Variants in TMED8 observed in about 807,000 individuals in gnomAD.
TMED8 encodes the protein protein TMED8.
Under a neutral mutation model 32.7 loss-of-function variants are expected in TMED8, and 15 were observed. That is an observed-to-expected ratio of 0.46 (90% CI 0.31 to 0.71). The LOEUF (loss-of-function observed/expected upper bound fraction) is 0.71. TMED8 is among the 30% of genes least tolerant of loss of function. The probability of loss-of-function intolerance (pLI) is 0.06; values close to 1 mark genes in which losing one functional copy is unlikely to be tolerated. For missense variants in TMED8, 390 were observed against 423.9 expected, an observed-to-expected ratio of 0.92 and a Z score of 0.70; for synonymous variants, 147 against 161.4, an observed-to-expected ratio of 0.91 and a Z score of 0.68.
chr14:77,341,600 A>T lies in TMED8; in HGVS notation c.*171T>A, dbSNP rs1892900221. 1 of 639,088 alleles carries T rather than the reference A, an allele frequency of 1.6e-6. No individual in the cohort carries two copies. The highest frequency in any genetic ancestry group is 2.7e-6 in the Non-Finnish European group (1 of 364,790). 39.6% of individuals were successfully genotyped at this position (639,088 alleles called of 1,614,324 possible). A position where few individuals can be genotyped will look rare whatever the true frequency, so the allele number is the denominator to read the frequency against. On this transcript the variant is annotated 3_prime_UTR_variant, in exon 6 of 6. Transcript: ENST00000216468. ...AGGGGCACTACACCACCACCTGCAG[A>T]AGCCAAGAAGGGGAAAAAGCTACGT...
rs1892837680 is a variant in TMED8 at position 77,339,267 on chromosome 14, G to A, written c.*2504C>T. 1 of 152,208 alleles carries A rather than the reference G, an allele frequency of 6.6e-6. No homozygotes were observed. The highest frequency in any genetic ancestry group is 1.5e-5 in the Non-Finnish European group (1 of 68,030). The allele number at this position is 152,208 out of a possible 1,614,324, so 9.4% of individuals were successfully genotyped here. ...CTAATGGAACACAGAAACCCTGACAGTTGGTGAAAAACCAGTATGAATGAA... is the reference window on the plus strand; with the variant it reads ...CTAATGGAACACAGAAACCCTGACAATTGGTGAAAAACCAGTATGAATGAA... On this transcript the variant is annotated 3_prime_UTR_variant, in exon 6 of 6. Transcript: ENST00000216468.
At chr14:77,367,789 C>A (rs183757561) in intron 1 of TMED8, among the ~76,000 whole-genome samples, 17 of 151,990 alleles carry the variant, frequency 1.1e-4, no homozygotes, top group Non-Finnish European at 2.1e-4. Context: ...CACCTCCTCG[C>A]TTCAAGCGAT....
chr14:77,368,583 T>C lies in TMED8; in HGVS notation c.118+8353A>G, dbSNP rs913905115. On this transcript the variant is annotated intron_variant, in intron 1 of 5. Transcript: ENST00000216468. ...ACCTCCGCCTCCTGGGTTCAAGAGA[T>C]TCTTCGGCCTCAGCCTCCCTAGTAG... 2.6e-5 allele frequency among the ~76,000 whole-genome samples: 4 copies of C among 152,160 alleles called. No individual in the cohort carries two copies. In the East Asian group the frequency reaches 7.7e-4, roughly 29 times the overall value.
chr14:77,352,717 C>T (rs1180015000), intron 1 of TMED8, among the ~76,000 whole-genome samples: 5 of 151,972 alleles, frequency 3.3e-5, no homozygotes, highest in African/African-American at 1.2e-4. Context: ...CCAGCCTGGG[C>T]GACAGAGCGA....
chr14:77,358,209 A>T (rs2139621849), intron 1 of TMED8, among the ~76,000 whole-genome samples: 1 of 151,680 alleles, frequency 6.6e-6, no homozygotes. Flanking sequence ...ACACACGAAT[A>T]TATATATATC....
intron 5 of TMED8, among the ~76,000 whole-genome samples, chr14:77,342,573 G>A (rs1446502869): frequency 2.6e-5 from 4 of 152,188 alleles, no homozygotes; most frequent in African/African-American, 9.7e-5. Flanking sequence ...CAAGGAATAA[G>A]AGGAATAAGA....
intron 2 of TMED8, among the ~76,000 whole-genome samples, chr14:77,349,502 T>G (rs1893131713): frequency 6.6e-6 from 1 of 152,152 alleles, no homozygotes; most frequent in Non-Finnish European, 1.5e-5. Flanking sequence ...CTTCAATCCT[T>G]GATAGTCCTC....
intron 1 of TMED8, among the ~76,000 whole-genome samples, chr14:77,359,011 G>C (rs147446744): frequency 6.6e-6 from 1 of 152,012 alleles, no homozygotes; most frequent in African/African-American, 2.4e-5. Flanking sequence ...TGGCTTAAGC[G>C]ATTCTCCTGC....
chr14:77,351,897 A>C (rs1273356193), intron 1 of TMED8, 146 bp from the exon 2 acceptor site: 1 of 534,950 alleles, frequency 1.9e-6, no homozygotes, highest in Non-Finnish European at 3.2e-6. Context: ...GAGGCCCAAC[A>C]CATAAATTAT....
Position 77,343,394 on chromosome 14 carries a change from G to A in TMED8, c.544C>T (p.Arg182Cys), listed in dbSNP as rs748050856. The change falls in exon 5 of 6, where the codon CGT becomes TGT. Residue 182 changes from arginine (R) to cysteine (C), a missense_variant. By Grantham distance (180) the Arg-to-Cys change is radical (BLOSUM62 -3). Coordinates refer to ENST00000216468, the MANE Select transcript of TMED8 (RefSeq NM_213601.3). ...KSKLGKEKNS[R>C]LVVKRGEVVT... The stretch of plus-strand genomic sequence containing the variant: ...ACCTCACCACGCTTCACCACCAGAC[G>A]GCTGTTCTTCTCTTTGCCCAGCTTG... 1.8e-5 allele frequency: 29 copies of A among 1,613,910 alleles called. No individual in the cohort carries two copies. Among genetic ancestry groups the A allele is most frequent in the South Asian group, 6.6e-5 (6 of 91,068 alleles).
intron 5 of TMED8, 70 bp downstream of exon 5, chr14:77,343,108 A>G (rs1359904538): frequency 1.3e-6 from 2 of 1,499,748 alleles, no homozygotes; most frequent in African/African-American, 1.4e-5. Flanking sequence ...GGACTGGTAC[A>G]ACCCACAAAA....
At chr14:77,353,435 CTTTGT>C (rs1252073823) in intron 1 of TMED8, among the ~76,000 whole-genome samples, 1 of 138,824 alleles carries the variant, frequency 7.2e-6, no homozygotes, top group African/African-American at 2.7e-5. Context: ...CTTTTCTTTT[CTTTGT>C]TTTTTTTTTT....
intron 3 of TMED8, 60 bp downstream of exon 3, chr14:77,346,289 A>C (rs1490215350): frequency 1.3e-6 from 2 of 1,579,146 alleles, no homozygotes; most frequent in Non-Finnish European, 1.7e-6. Flanking sequence ...CAACCCAACC[A>C]CTATGTGTCC....
intron 1 of TMED8, among the ~76,000 whole-genome samples, chr14:77,362,685 G>A (rs887492525): frequency 1.3e-5 from 2 of 151,936 alleles, no homozygotes; most frequent in Non-Finnish European, 2.9e-5. Flanking sequence ...ACACCGAGTG[G>A]GTGAATGGAT....
chr14:77,342,468 C>G (rs1395276251), intron 5 of TMED8, among the ~76,000 whole-genome samples: 3 of 151,966 alleles, frequency 2.0e-5, no homozygotes. Context: ...ATACAAGGTT[C>G]TCCGCTTTCC....
At chr14:77,353,442 T>TG (rs537495743) in intron 1 of TMED8, among the ~76,000 whole-genome samples, 1 of 148,426 alleles carries the variant, frequency 6.7e-6, no homozygotes, top group African/African-American at 2.5e-5. Context: ...TTTCTTTGTT[T>TG]TTTTTTTTTT....
At chr14:77,375,698 T>C (rs1893797033) in intron 1 of TMED8, among the ~76,000 whole-genome samples, 1 of 152,062 alleles carries the variant, frequency 6.6e-6, no homozygotes, top group Admixed American at 6.6e-5. Flanking sequence ...GGAAGATACT[T>C]GGGATCAGAG....
At chr14:77,361,875 G>A (rs981055059) in intron 1 of TMED8, among the ~76,000 whole-genome samples, 10 of 152,036 alleles carry the variant, frequency 6.6e-5, no homozygotes, top group African/African-American at 2.2e-4. Context: ...CTGCAGCCTC[G>A]ACCTCCATGG....
chr14:77,370,498 T>C (rs1005686224), intron 1 of TMED8, among the ~76,000 whole-genome samples: 2 of 152,186 alleles, frequency 1.3e-5, no homozygotes, highest in Non-Finnish European at 2.9e-5. Context: ...ATTTAGGATA[T>C]AGACATAGTG....
Sources: gnomAD v4.1 joint callset for allele counts (sites outside exome capture counted in the v4.1 genomes callset) on GRCh38, gnomAD v4.1.1 for gene constraint, MANE v1.5 for transcripts, NCBI Gene and HGNC (gene_info 2026-07-23, HGNC 2026-07-21) for gene names.